Variants in DNAI2 observed in about 807,000 individuals in gnomAD.
DNAI2 encodes dynein axonemal intermediate chain 2, also known as dynein, axonemal, intermediate polypeptide 2.
A neutral mutation model predicts 74.7 loss-of-function variants in DNAI2; 63 were observed. The ratio of observed to expected loss-of-function variants is 0.84; its 90% CI spans 0.69 to 1.04. The LOEUF (loss-of-function observed/expected upper bound fraction) is 1.04, where lower values mean the gene tolerates loss of function less well. Ranked by LOEUF, DNAI2 falls within the 50% of genes least tolerant of loss-of-function variation. DNAI2 has a pLI of 0.00. For missense variants in DNAI2, 688 were observed against 803.2 expected (o/e 0.86, Z 1.73); for synonymous variants, 289 against 314.9 (o/e 0.92, Z 0.87).
In DNAI2 at chr17:74,312,123, G is replaced by A. The variant is rs199817659; in HGVS notation, c.1615G>A (p.Val539Ile). The A allele has an allele frequency of 4.1e-5, 66 of 1,613,646 alleles. No homozygotes were observed. Among genetic ancestry groups the A allele is most frequent in the African/African-American group, 2.8e-4 (21 of 74,906 alleles). The stretch of plus-strand genomic sequence containing the variant: ...GGAGCAGACCGATGAGGAGCTGGCC[G>A]TAGACCTGGAGGCGCTGGTCAGCAA... ...DEEQTDEELA[V>I]DLEALVSKAE... The change falls in exon 12 of 14, where the codon GTA becomes ATA. Residue 539 changes from valine (V) to isoleucine (I), a missense_variant. By Grantham distance (29) the Val-to-Ile change is conservative. Transcript: ENST00000311014.
Position 74,281,817 on chromosome 17 carries a change from C to A in DNAI2, c.-1C>A. 1 of 1,613,872 alleles carries A rather than the reference C, an allele frequency of 6.2e-7. No homozygotes were observed. The highest frequency in any genetic ancestry group is 8.5e-7 in the Non-Finnish European group (1 of 1,180,018). ...CCCTCTGCCCCCCAGCAGCCGGCAC[C>A]ATGGAGATTGTGTACGTGTACGTCA... On this transcript the variant is annotated 5_prime_UTR_variant, in exon 2 of 14. Coordinates refer to ENST00000311014, the MANE Select transcript of DNAI2 (RefSeq NM_023036.6).
At chr17:74,290,909 T>G (rs2052048684) in intron 5 of DNAI2, 111 bp from the exon 6 acceptor site, 2 of 927,200 alleles carry the variant, frequency 2.2e-6, no homozygotes, top group Non-Finnish European at 1.8e-6. Flanking sequence ...GCTTCCAGGC[T>G]TCCCCCTCTG....
At chr17:74,308,513 G>A (rs2144099101) in intron 9 of DNAI2, among the ~76,000 whole-genome samples, 1 of 152,146 alleles carries the variant, frequency 6.6e-6, no homozygotes, top group East Asian at 1.9e-4. Flanking sequence ...GAAGGACTGT[G>A]CCCAGAGCCC....
intron 9 of DNAI2, among the ~76,000 whole-genome samples, chr17:74,306,893 C>T (rs1251672656): frequency 6.6e-6 from 1 of 152,256 alleles, no homozygotes; most frequent in African/African-American, 2.4e-5. Flanking sequence ...GCTGGGATTA[C>T]AGGCATGAGC....
chr17:74,291,210 G>A, intron 6 of DNAI2, 77 bp downstream of exon 6: 1 of 1,251,284 alleles, frequency 8.0e-7, no homozygotes, highest in Non-Finnish European at 1.1e-6. Context: ...TCCCAGGCTG[G>A]AGTGTAGTGG....
intron 10 of DNAI2, 198 bp from the exon 11 acceptor site, chr17:74,309,819 G>A: frequency 1.4e-6 from 1 of 705,458 alleles, no homozygotes; most frequent in South Asian, 1.7e-5. Flanking sequence ...AACTGAAGGG[G>A]TGGGGCGGGA....
chr17:74,313,704 A>G (rs535459572), intron 12 of DNAI2: 6 of 224,514 alleles, frequency 2.7e-5, no homozygotes, highest in South Asian at 1.5e-4. Flanking sequence ...TTAGTCTGCA[A>G]TTGGCCCAAA....
chr17:74,313,122 G>T (rs887633434), intron 12 of DNAI2, among the ~76,000 whole-genome samples: 9 of 152,202 alleles, frequency 5.9e-5, no homozygotes, highest in African/African-American at 2.2e-4. Flanking sequence ...CTGAGACAGG[G>T]TCCAGTGTAT....
intron 1 of DNAI2, among the ~76,000 whole-genome samples, chr17:74,281,352 G>C (rs2051378498): frequency 6.6e-6 from 1 of 150,790 alleles, no homozygotes; most frequent in Non-Finnish European, 1.5e-5. Context: ...TTCTCCTCCC[G>C]AGTTCAAGTG....
chr17:74,309,182 G>A (rs865801507), intron 9 of DNAI2, 71 bp from the exon 10 acceptor site: 1 of 1,574,990 alleles, frequency 6.3e-7, no homozygotes. Context: ...AGCCCAGAAG[G>A]GACCAAGTGA....
intron 8 of DNAI2, 87 bp downstream of exon 8, chr17:74,301,255 T>C: frequency 3.0e-5 from 47 of 1,592,964 alleles, no homozygotes; most frequent in Non-Finnish European, 3.9e-5. Flanking sequence ...TATCAGGTGC[T>C]CGTGGAACCC....
chr17:74,303,533 T>C (rs12450048), intron 8 of DNAI2, among the ~76,000 whole-genome samples: 76,628 of 151,610 alleles, frequency 0.51, 20,568 homozygotes, highest in Non-Finnish European at 0.63. Flanking sequence ...ATCCACCTCC[T>C]GGGCTCAAGC....
At chr17:74,277,101 A>G (rs2051127880) in intron 1 of DNAI2, among the ~76,000 whole-genome samples, 2 of 152,190 alleles carry the variant, frequency 1.3e-5, no homozygotes, top group African/African-American at 2.4e-5. Flanking sequence ...AGAGAAGAAA[A>G]CAAGGCTGGG....
chr17:74,289,329 C>A (rs1467553866), intron 4 of DNAI2, among the ~76,000 whole-genome samples: 1 of 152,172 alleles, frequency 6.6e-6, no homozygotes, highest in Non-Finnish European at 1.5e-5. Flanking sequence ...GAGTTTGAGA[C>A]CAGCCTAGGA....
intron 11 of DNAI2, among the ~76,000 whole-genome samples, chr17:74,311,419 G>A (rs1282490628): frequency 6.6e-6 from 1 of 152,148 alleles, no homozygotes; most frequent in South Asian, 2.1e-4. Context: ...TTCGAGACCA[G>A]CCTGACCAAC....
At chr17:74,307,007 C>T (rs60607279) in intron 9 of DNAI2, among the ~76,000 whole-genome samples, 9,269 of 152,256 alleles carry the variant, frequency 0.061, 886 homozygotes, top group African/African-American at 0.21. Context: ...AATGGGTTTG[C>T]TAAGGAGCAA....
At chr17:74,295,726 G>A (rs1567857760) in intron 6 of DNAI2, among the ~76,000 whole-genome samples, 1 of 152,108 alleles carries the variant, frequency 6.6e-6, no homozygotes, top group Non-Finnish European at 1.5e-5. Flanking sequence ...ACCTCCCAGA[G>A]TTTGTGTTGT....
In DNAI2 at chr17:74,289,476, G is replaced by A. The variant is rs557196953; in HGVS notation, c.468-118G>A. The A allele has an allele frequency of 2.4e-5, 33 of 1,350,024 alleles. 1 individual carries two copies. In the South Asian group the frequency reaches 3.0e-4, roughly 12 times the overall value. 83.6% of individuals were successfully genotyped at this position (1,350,024 alleles called of 1,614,324 possible). A position where few individuals can be genotyped will look rare whatever the true frequency, so the allele number is the denominator to read the frequency against. Reference sequence around the variant, plus strand: ...CAGGAGGCAGAGGTTGCAGTGAGCCGAGATTATGCCACTGCCTGGGGGACA... The same window carrying A: ...CAGGAGGCAGAGGTTGCAGTGAGCCAAGATTATGCCACTGCCTGGGGGACA... On this transcript the variant is annotated intron_variant, in intron 4 of 13. Transcript: ENST00000311014.
intron 12 of DNAI2, 167 bp from the exon 13 acceptor site, chr17:74,313,954 T>C (rs2053678605): frequency 9.6e-7 from 1 of 1,042,582 alleles, no homozygotes; most frequent in South Asian, 1.4e-5. Flanking sequence ...TTCCGCACTG[T>C]CTGGGCCCTC....
Sources: gnomAD v4.1 joint callset for allele counts (sites outside exome capture counted in the v4.1 genomes callset) on GRCh38, gnomAD v4.1.1 for gene constraint, MANE v1.5 for transcripts, NCBI Gene and HGNC (gene_info 2026-07-23, HGNC 2026-07-21) for gene names.